The following LONRF3 variants were observed in gnomAD, a reference collection of about 807,000 sequenced individuals.
LONRF3 encodes the protein LON peptidase N-terminal domain and ring finger 3.
Under a neutral mutation model 51.7 loss-of-function variants are expected in LONRF3, and 19 were observed. The observed-to-expected ratio is 0.37, with a 90% CI of 0.26 to 0.54. The LOEUF (loss-of-function observed/expected upper bound fraction) is 0.54. Ranked by LOEUF, LONRF3 falls within the 20% of genes least tolerant of loss-of-function variation. The pLI is 0.86. For synonymous variants in LONRF3, 265 were observed against 257.8 expected (o/e 1.03, Z -0.27); for missense variants, 521 against 623.9 (o/e 0.84, Z 1.76).
chrX:118,974,968 C>T lies in LONRF3; in HGVS notation c.188C>T (p.Ser63Leu). The T allele has an allele frequency of 8.5e-7, 1 of 1,176,335 alleles. No individual in the cohort carries two copies. Among genetic ancestry groups the T allele is most frequent in the Non-Finnish European group, 1.1e-6 (1 of 877,797 alleles). ...GAGCAAGAGCAGTCTCCGGGGACCT[C>T]AACGCCGGAGAGCAAAGTCCTGCTC... is the stretch of plus-strand genomic sequence containing the variant. ...EPEQEQSPGTSTPESKVLLTQ... is the reference protein window; with the variant it reads ...EPEQEQSPGTLTPESKVLLTQ... Residue 63 changes from serine to leucine, a missense_variant, in exon 1 of 11, where the codon TCA becomes TTA. Ser to Leu is a moderately radical substitution (Grantham distance 145). Coordinates refer to ENST00000371628, the MANE Select transcript of LONRF3 (RefSeq NM_001031855.3).
intron 3 of LONRF3, among the ~76,000 whole-genome samples, chrX:118,984,803 C>G (rs767404245): frequency 8.0e-5 from 9 of 111,990 alleles, no homozygotes; most frequent in Non-Finnish European, 1.7e-4. Flanking sequence ...GCCATGGCGG[C>G]GATTCAGAAC....
At position 119,008,902 on chromosome X, in the gene LONRF3, A is replaced by T. The variant is rs192407644; in HGVS notation, c.1531-224A>T. Among the ~76,000 whole-genome samples, 199 of 111,732 alleles carry T rather than the reference A, an allele frequency of 1.8e-3. 3 individuals are homozygous for T. In the East Asian group the frequency reaches 0.035, roughly 20 times the overall value. Reference sequence around the variant, plus strand: ...TGCAGGTTTTACCCCCTTGTTAAAAATTTTTTTCTAATTATAAAGATAATC... The same window carrying T: ...TGCAGGTTTTACCCCCTTGTTAAAATTTTTTTTCTAATTATAAAGATAATC... On this transcript the variant is annotated intron_variant, in intron 6 of 10. Transcript: ENST00000371628.
chrX:118,984,730 G>A (rs956389753), intron 3 of LONRF3, among the ~76,000 whole-genome samples: 2 of 112,084 alleles, frequency 1.8e-5, no homozygotes, highest in Admixed American at 1.9e-4. Flanking sequence ...CCCGTGATGA[G>A]TGTTACAGAG....
rs1240509640 is a variant in LONRF3, at chrX:118,989,481, A to G, written c.1133A>G (p.Asp378Gly). 5.8e-6 allele frequency: 7 copies of G among 1,209,343 alleles called. No individual in the cohort carries two copies. The highest frequency in any genetic ancestry group is 7.8e-6 in the Non-Finnish European group (7 of 895,053). The part of the protein sequence containing the change: ...AARGDGSSLM[D>G]PAKVKGDGQQ... ...AGGGGAGATGGCAGCAGTCTGATGG[A>G]CCCAGCTAAAGTGAAGGGGGATGGT... Residue 378 changes from aspartate (D) to glycine (G), a missense_variant, in exon 4 of 11, where the codon GAC becomes GGC. By Grantham distance (94) the Asp-to-Gly change is moderately conservative. This residue lies in a region of LONRF3 where 376 missense variants were observed against 376.7 expected (regional missense o/e 1.00). Transcript: ENST00000371628.
intron 1 of LONRF3, chrX:118,976,808 C>T (rs1414470766): frequency 8.8e-6 from 1 of 113,294 alleles, no homozygotes; most frequent in Non-Finnish European, 1.9e-5. Flanking sequence ...TCTGGCGAAG[C>T]ATGCCGGGGA....
At chrX:119,013,603 ATT>A in intron 9 of LONRF3, among the ~76,000 whole-genome samples, 1 of 112,086 alleles carries the variant, frequency 8.9e-6, no homozygotes. Flanking sequence ...ATGCATTTGT[ATT>A]TTAAAGTACG....
chrX:119,017,502 A>G lies in LONRF3; in HGVS notation c.2125-33A>G, dbSNP rs1384120089. 5 of 1,193,081 alleles carry G rather than the reference A, an allele frequency of 4.2e-6. No homozygotes were observed. The South Asian group carries it at 7.5e-5, about 18-fold the overall frequency. On this transcript the variant is annotated intron_variant, in intron 10 of 10. Coordinates refer to ENST00000371628, the MANE Select transcript of LONRF3 (RefSeq NM_001031855.3). Reference sequence around the variant, plus strand: ...TGCAGACTGATGTTCTTGGATGGGAATAGGATGACTCCATTGTGTTTCTCT... The same window carrying G: ...TGCAGACTGATGTTCTTGGATGGGAGTAGGATGACTCCATTGTGTTTCTCT...
At chrX:118,978,998 C>CTTTTTTTTTTTTTT (rs36016675) in intron 2 of LONRF3, among the ~76,000 whole-genome samples, 2 of 56,119 alleles carry the variant, frequency 3.6e-5, no homozygotes, top group Admixed American at 2.3e-4. Context: ...TGTTTTCTTT[C>CTTTTTTTTTTTTTT]TTTTTTTTTT....
intron 7 of LONRF3, among the ~76,000 whole-genome samples, chrX:119,009,505 C>T: frequency 8.9e-6 from 1 of 111,824 alleles, no homozygotes. Context: ...GTACGCCCTG[C>T]CCCCAGTAAC....
At position 118,982,856 on chromosome X, in the gene LONRF3, A is replaced by G. The variant is rs751681961; in HGVS notation, c.972A>G (p.Leu324=). The G allele has an allele frequency of 9.1e-6, 11 of 1,208,984 alleles. No individual in the cohort carries two copies. The highest frequency in any genetic ancestry group is 7.0e-5 in the African/African-American group (4 of 57,130). ...GAAAAGCCCAAGCCTTAGCCACCCT[A>G]GGCAAGGTGGAGGAGGCACTAAGGG... The part of the protein sequence containing the change: ...HFRKAQALAT[L]GKVEEALREF... The change falls in exon 3 of 11, where the codon CTA becomes CTG. Residue 324 remains leucine, a synonymous_variant. Transcript: ENST00000371628.
chrX:118,976,061 G>T (rs1184799275), intron 1 of LONRF3, among the ~76,000 whole-genome samples: 1 of 112,849 alleles, frequency 8.9e-6, no homozygotes, highest in African/African-American at 3.2e-5. Context: ...AACTTCGCGC[G>T]CTCCTCGCAC....
chrX:118,987,353 C>T (rs1681466104), intron 3 of LONRF3, among the ~76,000 whole-genome samples: 2 of 109,042 alleles, frequency 1.8e-5, no homozygotes, highest in Admixed American at 2.0e-4. Context: ...TCATGGCTCA[C>T]TGCAGCCTCA....
Position 118,996,029 on chromosome X carries a change from G to T in LONRF3, c.1415+5469G>T, listed in dbSNP as rs749715973. Among the ~76,000 whole-genome samples the T allele has an allele frequency of 4.5e-5, 5 of 111,813 alleles. No individual in the cohort carries two copies. The South Asian group carries it at 1.9e-3, about 42-fold the overall frequency. On this transcript the variant is annotated intron_variant, in intron 5 of 10. Coordinates refer to ENST00000371628, the MANE Select transcript of LONRF3 (RefSeq NM_001031855.3). ...CACCCTAATAACAAAACCAGGAAAG[G>T]ACAACCAAAAAAAGAAAACCACATT... is the stretch of plus-strand genomic sequence containing the variant.
chrX:119,001,148 T>A (rs1924289714), intron 5 of LONRF3, among the ~76,000 whole-genome samples: 1 of 111,952 alleles, frequency 8.9e-6, no homozygotes, highest in Non-Finnish European at 1.9e-5. Flanking sequence ...TTTTCTGAAA[T>A]CGTTACCTAA....
At position 119,011,842 on chromosome X, in the gene LONRF3, G is replaced by A; in HGVS notation, c.1680G>A (p.Val560=). The A allele has an allele frequency of 8.3e-7, 1 of 1,211,146 alleles. No homozygotes were observed. The highest frequency in any genetic ancestry group is 1.1e-6 in the Non-Finnish European group (1 of 895,161). ...TTAATAAGAATGTGCCTATTTTCGT[G>A]TGTACTATGGCCTATCCCACCGTTC... is the stretch of plus-strand genomic sequence containing the variant. ...SNLNKNVPIF[V]CTMAYPTVPC... The change falls in exon 8 of 11, where the codon GTG becomes GTA. Residue 560 remains valine, a synonymous_variant. Coordinates refer to ENST00000371628, the MANE Select transcript of LONRF3 (RefSeq NM_001031855.3).
intron 5 of LONRF3, among the ~76,000 whole-genome samples, chrX:119,004,235 T>G (rs967229451): frequency 4.5e-5 from 5 of 112,210 alleles, no homozygotes; most frequent in African/African-American, 1.6e-4. Flanking sequence ...TTTAATTAAT[T>G]TGTTAAACAA....
intron 5 of LONRF3, among the ~76,000 whole-genome samples, chrX:118,994,055 A>G (rs751985211): frequency 1.8e-5 from 2 of 112,372 alleles, no homozygotes; most frequent in Non-Finnish European, 3.8e-5. Context: ...CTGGAAACAC[A>G]ACAAAACAGA....
At position 118,990,501 on chromosome X, in the gene LONRF3, T is replaced by C. The variant is rs1291668424; in HGVS notation, c.1356T>C (p.Ala452=). Residue 452 remains alanine, a synonymous_variant, in exon 5 of 11, where the codon GCT becomes GCC. Coordinates refer to ENST00000371628, the MANE Select transcript of LONRF3 (RefSeq NM_001031855.3). ...CCACTGATCAGGGGGACAAACCTGCTCTCAGTTTACCACTTGCATCTTTCG... is the reference window on the plus strand; with the variant it reads ...CCACTGATCAGGGGGACAAACCTGCCCTCAGTTTACCACTTGCATCTTTCG... ...DPPTDQGDKP[A]LSLPLASFDA... is the part of the protein sequence containing the mutation. 1.7e-6 allele frequency: 2 copies of C among 1,209,572 alleles called. No individual in the cohort carries two copies. The highest frequency in any genetic ancestry group is 2.2e-6 in the Non-Finnish European group (2 of 894,703).
chrX:118,975,375 C>T lies in LONRF3; in HGVS notation c.595C>T (p.Leu199Phe), dbSNP rs761528175. ...GCGCTGTGCGCTGTGCGGGGTCAAG[C>T]TCTCCGCCTTGATGGTGGCCACTGG... ...DRRCALCGVKLSALMVATGRA... is the reference protein window; with the variant it reads ...DRRCALCGVKFSALMVATGRA... The change falls in exon 1 of 11, where the codon CTC becomes TTC. Residue 199 changes from leucine to phenylalanine, a missense_variant. Leu to Phe is a conservative substitution (Grantham distance 22). This residue lies in a region of LONRF3 where 376 missense variants were observed against 376.7 expected (regional missense o/e 1.00). Coordinates refer to ENST00000371628, the MANE Select transcript of LONRF3 (RefSeq NM_001031855.3). The T allele has an allele frequency of 3.1e-5, 38 of 1,206,902 alleles. No homozygotes were observed. The East Asian group carries it at 9.5e-4, about 30-fold the overall frequency.
Sources: gnomAD v4.1 joint callset for allele counts (sites outside exome capture counted in the v4.1 genomes callset) on GRCh38, gnomAD v4.1.1 for gene constraint, gnomAD v4.1.1 regional missense constraint, MANE v1.5 for transcripts, NCBI Gene and HGNC (gene_info 2026-07-23, HGNC 2026-07-21) for gene names.